NGEF: variants seen among roughly 807,000 people sequenced by gnomAD.
NGEF encodes ephexin-1.
In NGEF, 31 loss-of-function variants were observed where a neutral mutation model predicts 80.9. That is an observed-to-expected ratio of 0.38 (90% CI 0.29 to 0.52). The LOEUF (loss-of-function observed/expected upper bound fraction) is 0.52, where lower values mean the gene tolerates loss of function less well. Ranked by LOEUF, NGEF falls within the 20% of genes least tolerant of loss-of-function variation. The probability of loss-of-function intolerance (pLI) is 0.84; values close to 1 mark genes in which losing one functional copy is unlikely to be tolerated. For synonymous variants in NGEF, 371 were observed against 370.2 expected, an observed-to-expected ratio of 1.00 and a Z score of -0.03; for missense variants, 709 against 926.2, an observed-to-expected ratio of 0.77 and a Z score of 3.04.
chr2:232,949,941 A>T (rs1048768098), intron 3 of NGEF, among the ~76,000 whole-genome samples: 3 of 151,668 alleles, frequency 2.0e-5, no homozygotes, highest in Non-Finnish European at 4.4e-5. Context: ...CCTCCCGAGT[A>T]GCTGGGATTA....
rs374486398 is a variant in NGEF at position 232,879,552 on chromosome 2, C to T, written c.2070G>A (p.Met690Ile). The T allele has an allele frequency of 7.1e-5, 115 of 1,613,748 alleles. No homozygotes were observed. Among genetic ancestry groups the T allele is most frequent in the Admixed American group, 1.8e-4 (11 of 60,002 alleles). ...TGTTCTGGCTGCGCTGAGGGTCATC[C>T]ATCTTGTGGACACGGAAACATTCCT... is the stretch of plus-strand genomic sequence containing the variant. ...NLKECFRVHK[M>I]DDPQRSQNKD... is the part of the protein sequence containing the mutation. Residue 690 changes from methionine to isoleucine, a missense_variant, in exon 15 of 15, where the codon ATG (methionine) becomes ATA (isoleucine). Physicochemically the swap from Met to Ile is conservative, Grantham distance 10. Around this residue, in one of 2 missense-constraint regions of NGEF, gnomAD observed 426 missense variants for 622.9 expected, o/e 0.68. Coordinates refer to ENST00000264051, the MANE Select transcript of NGEF (RefSeq NM_019850.3).
chr2:232,944,760 T>TATATATATATA (rs1342850811), intron 3 of NGEF, among the ~76,000 whole-genome samples: 1 of 134,648 alleles, frequency 7.4e-6, no homozygotes, highest in African/African-American at 2.9e-5. Flanking sequence ...TATATATATA[T>TATATATATATA]ATCTTTTTGG....
chr2:232,879,700 G>A lies in NGEF; in HGVS notation c.1943-21C>T, dbSNP rs1209569612. 4 of 1,600,792 alleles carry A rather than the reference G, an allele frequency of 2.5e-6. No homozygotes were observed. In the African/African-American group the frequency reaches 5.4e-5, roughly 21 times the overall value. On this transcript the variant is annotated intron_variant, in intron 14 of 14. Coordinates refer to ENST00000264051, the MANE Select transcript of NGEF (RefSeq NM_019850.3). ...CCACCCTGTGCAGGGAGGGGAGGGA[G>A]AGAAGGTCAGTGCTCCTGCAGGGCA...
Position 232,963,555 on chromosome 2 carries a change from T to A in NGEF, c.383+6659A>T, listed in dbSNP as rs530944288. 5.3e-4 allele frequency among the ~76,000 whole-genome samples: 80 copies of A among 152,170 alleles called. 1 individual carries two copies. The South Asian group carries it at 0.015, about 29-fold the overall frequency. Reference sequence around the variant, plus strand: ...TTGGCTGGGCACAGTGGCTCATGTCTGTAATCCCAGCCCTTTGGGAGGCCG... The same window carrying A: ...TTGGCTGGGCACAGTGGCTCATGTCAGTAATCCCAGCCCTTTGGGAGGCCG... On this transcript the variant is annotated intron_variant, in intron 3 of 14. Transcript: ENST00000264051.
chr2:232,902,899 TG>T (rs1362364370), intron 5 of NGEF, among the ~76,000 whole-genome samples: 3 of 152,066 alleles, frequency 2.0e-5, no homozygotes, highest in African/African-American at 7.2e-5. Context: ...GAGGCTCAGG[TG>T]GAAGAATCAC....
In NGEF at chr2:232,881,201, G is replaced by C; in HGVS notation, c.1887C>G (p.Asp629Glu). 1 of 1,611,480 alleles carries C rather than the reference G, an allele frequency of 6.2e-7. No homozygotes were observed. The highest frequency in any genetic ancestry group is 8.5e-7 in the Non-Finnish European group (1 of 1,180,000). The change falls in exon 14 of 15, where the codon GAC becomes GAG. Residue 629 changes from aspartate to glutamate, a missense_variant. This residue lies in a region of NGEF where 426 missense variants were observed against 622.9 expected (regional missense o/e 0.68). Transcript: ENST00000264051. Reference sequence around the variant, plus strand: ...TGTCGGCGAGCTCCAGCGTCAGCTCGTCTGGCTGCTGAGCCACGTATGGGT... The same window carrying C: ...TGTCGGCGAGCTCCAGCGTCAGCTCCTCTGGCTGCTGAGCCACGTATGGGT... ...CVHPYVAQQP[D>E]ELTLELADIL...
At chr2:233,002,962 C>G (rs1425254615) in intron 1 of NGEF, among the ~76,000 whole-genome samples, 6 of 152,196 alleles carry the variant, frequency 3.9e-5, no homozygotes, top group Non-Finnish European at 5.9e-5. Context: ...TTACACTGAC[C>G]TCAGCGAGTC....
At chr2:232,927,215 G>T (rs756975829) in intron 3 of NGEF, 29 bp from the exon 4 acceptor site, 3 of 1,528,744 alleles carry the variant, frequency 2.0e-6, no homozygotes, top group Admixed American at 2.2e-5. Flanking sequence ...GACAGGGGCT[G>T]GTTATTTTTA....
intron 6 of NGEF, among the ~76,000 whole-genome samples, chr2:232,893,909 TGA>T (rs1691971470): frequency 6.6e-6 from 1 of 151,606 alleles, no homozygotes. Flanking sequence ...CAAACAGAAG[TGA>T]GAGTGTCAGT....
At chr2:232,972,394 A>G (rs1694211867) in intron 2 of NGEF, among the ~76,000 whole-genome samples, 1 of 152,200 alleles carries the variant, frequency 6.6e-6, no homozygotes, top group Non-Finnish European at 1.5e-5. Flanking sequence ...AATTAATTTC[A>G]CCCATTTATT....
At chr2:233,010,898 G>A (rs1276706137) in intron 1 of NGEF, among the ~76,000 whole-genome samples, 2 of 152,198 alleles carry the variant, frequency 1.3e-5, no homozygotes, top group Admixed American at 6.5e-5. Flanking sequence ...GGTGGTCCCA[G>A]GCCAAGGGAA....
rs749073582 is a variant in NGEF, at chr2:232,891,382, G to A, written c.1248C>T (p.Ile416=). 1.2e-6 allele frequency: 2 copies of A among 1,613,696 alleles called. No homozygotes were observed. Among genetic ancestry groups the A allele is most frequent in the Middle Eastern group, 1.6e-4 (1 of 6,062 alleles). ...CCTGGACCAACAGCTTGAGGCGTGT[G>A]ATCCTCTGGAAAGGCAGGATGAGGA... The part of the protein sequence containing the change: ...SSFLILPFQR[I]TRLKLLVQNI... Residue 416 remains isoleucine (I), a synonymous_variant, in exon 8 of 15, where the codon ATC becomes ATT. Coordinates refer to ENST00000264051, the MANE Select transcript of NGEF (RefSeq NM_019850.3).
chr2:232,927,867 G>C (rs1693113057), intron 3 of NGEF: 1 of 1,257,510 alleles, frequency 8.0e-7, no homozygotes, highest in Non-Finnish European at 1.0e-6. Context: ...CGGCGCGCCG[G>C]GGCCGGGACA....
intron 1 of NGEF, among the ~76,000 whole-genome samples, chr2:232,998,816 C>T (rs1388984401): frequency 5.3e-5 from 8 of 152,104 alleles, no homozygotes; most frequent in South Asian, 2.1e-4. Flanking sequence ...AGCAGGACTC[C>T]GGGCCAGGTC....
intron 2 of NGEF, among the ~76,000 whole-genome samples, chr2:232,971,382 A>G (rs1367264802): frequency 6.6e-6 from 1 of 152,206 alleles, no homozygotes. Context: ...TGAAGGAGTC[A>G]CTGTAAAAAT....
intron 1 of NGEF, among the ~76,000 whole-genome samples, chr2:232,990,102 G>T (rs1244589132): frequency 1.3e-5 from 2 of 152,086 alleles, no homozygotes; most frequent in Non-Finnish European, 2.9e-5. Flanking sequence ...AAGTTATCAG[G>T]AAGAAAGCTA....
chr2:232,946,923 A>G (rs1172064700), intron 3 of NGEF, among the ~76,000 whole-genome samples: 1 of 135,598 alleles, frequency 7.4e-6, no homozygotes, highest in African/African-American at 2.5e-5. Context: ...AAAAGAAAAC[A>G]AACCAAAAAA....
intron 3 of NGEF, among the ~76,000 whole-genome samples, chr2:232,947,201 T>C (rs1693577898): frequency 6.6e-6 from 1 of 152,206 alleles, no homozygotes; most frequent in Non-Finnish European, 1.5e-5. Context: ...AATGATCAAA[T>C]GTAGCATCAA....
chr2:232,903,864 A>G (rs773764976), intron 5 of NGEF, among the ~76,000 whole-genome samples: 1 of 152,214 alleles, frequency 6.6e-6, no homozygotes, highest in Non-Finnish European at 1.5e-5. Context: ...AATCCTAAGT[A>G]ATTTCTTTCT....
Sources: allele counts gnomAD v4.1 joint callset (sites outside exome capture counted in the v4.1 genomes callset), GRCh38; gene constraint gnomAD v4.1.1; regional missense constraint gnomAD v4.1.1; transcripts MANE v1.5; gene names NCBI Gene and HGNC (gene_info 2026-07-23, HGNC 2026-07-21).